Variants in PARVA observed in about 807,000 individuals in gnomAD.
The protein encoded by PARVA is parvin alpha, also known as alpha-parvin.
PARVA carries 25 observed loss-of-function variants against 52.6 expected under a neutral mutation model. That is an observed-to-expected ratio of 0.48 (90% CI 0.35 to 0.66). PARVA has a LOEUF of 0.66. Ranked by LOEUF, PARVA falls within the 30% of genes least tolerant of loss-of-function variation. The pLI, the probability that PARVA is intolerant of heterozygous loss-of-function variation, is 0.01. For synonymous variants in PARVA, 185 were observed against 179.1 expected (o/e 1.03, Z -0.26); for missense variants, 373 against 450.9 (o/e 0.83, Z 1.56).
At chr11:12,383,885 AG>A (rs1322646334) in intron 1 of PARVA, among the ~76,000 whole-genome samples, 2 of 152,290 alleles carry the variant, frequency 1.3e-5, no homozygotes, top group African/African-American at 4.8e-5. Flanking sequence ...GCATTGTTCA[AG>A]GGGCACGCCT....
At chr11:12,396,931 T>TCTTCC in intron 1 of PARVA, among the ~76,000 whole-genome samples, 1 of 145,436 alleles carries the variant, frequency 6.9e-6, no homozygotes, top group South Asian at 2.2e-4. Flanking sequence ...GTACTTGTTT[T>TCTTCC]CTTTCCTTTC....
chr11:12,508,936 G>A (rs756224910), intron 7 of PARVA, among the ~76,000 whole-genome samples: 2 of 152,192 alleles, frequency 1.3e-5, no homozygotes, highest in Non-Finnish European at 2.9e-5. Flanking sequence ...GCATGAAATC[G>A]TCATGCCATA....
intron 1 of PARVA, among the ~76,000 whole-genome samples, chr11:12,406,391 C>T (rs188647878): frequency 9.7e-4 from 147 of 152,306 alleles, no homozygotes; most frequent in Non-Finnish European, 1.7e-3. Context: ...CTGCAAAATA[C>T]CTTCAGAGCA....
At chr11:12,509,170 GA>G (rs1370435644) in intron 7 of PARVA, among the ~76,000 whole-genome samples, 1 of 148,936 alleles carries the variant, frequency 6.7e-6, no homozygotes, top group African/African-American at 2.5e-5. Context: ...TCCTCAAGCA[GA>G]AAAAAAATTC....
intron 4 of PARVA, among the ~76,000 whole-genome samples, chr11:12,486,533 C>CAAAAAT (rs964896148): frequency 4.6e-5 from 7 of 151,356 alleles, no homozygotes; most frequent in South Asian, 4.2e-4. Context: ...AACTCTGTCT[C>CAAAAAT]AAAAATAAAA....
chr11:12,442,095 C>A (rs1940474459), intron 1 of PARVA, among the ~76,000 whole-genome samples: 1 of 152,202 alleles, frequency 6.6e-6, no homozygotes, highest in Admixed American at 6.5e-5. Context: ...TGGACCAGTT[C>A]AGCAGCATGG....
intron 4 of PARVA, among the ~76,000 whole-genome samples, chr11:12,482,341 A>T (rs905528891): frequency 6.6e-6 from 1 of 151,842 alleles, no homozygotes; most frequent in Non-Finnish European, 1.5e-5. Flanking sequence ...TAAAAAGGAA[A>T]GCTGGCCGGG....
At chr11:12,434,851 C>G (rs185118222) in intron 1 of PARVA, among the ~76,000 whole-genome samples, 6 of 152,248 alleles carry the variant, frequency 3.9e-5, no homozygotes, top group African/African-American at 1.4e-4. Context: ...GCATTTTTAC[C>G]GAGCCTGCTC....
intron 1 of PARVA, among the ~76,000 whole-genome samples, chr11:12,387,663 C>A (rs1939592224): frequency 7.2e-6 from 1 of 139,234 alleles, no homozygotes; most frequent in Admixed American, 8.4e-5. Context: ...TGTTATTTGA[C>A]AAAGGCCTGT....
At chr11:12,498,942 C>G (rs906532910) in intron 5 of PARVA, among the ~76,000 whole-genome samples, 3 of 152,176 alleles carry the variant, frequency 2.0e-5, no homozygotes, top group African/African-American at 4.8e-5. Context: ...TCTACATTCC[C>G]TCGTGGTCTT....
At chr11:12,488,596 G>C (rs745406151) in intron 4 of PARVA, among the ~76,000 whole-genome samples, 6 of 152,122 alleles carry the variant, frequency 3.9e-5, no homozygotes, top group Non-Finnish European at 8.8e-5. Context: ...GTCTTGAAAG[G>C]GCAACTCTTT....
In PARVA at chr11:12,377,580, G is replaced by A. The variant is rs1469444318; in HGVS notation, c.-68G>A. 4.7e-6 allele frequency: 7 copies of A among 1,498,116 alleles called. No homozygotes were observed. Among genetic ancestry groups the A allele is most frequent in the East Asian group, 2.9e-5 (1 of 34,940 alleles). The allele number at this position is 1,498,116 out of a possible 1,614,324, so 92.8% of individuals were successfully genotyped here. A position where few individuals can be genotyped will look rare whatever the true frequency, so the allele number is the denominator to read the frequency against. Reference sequence around the variant, plus strand: ...GGAAAGCCGCAGCCTCAGTCCCGCCGCCGCCCGCTGCGTCCGCCCAGCGCC... The same window carrying A: ...GGAAAGCCGCAGCCTCAGTCCCGCCACCGCCCGCTGCGTCCGCCCAGCGCC... On this transcript the variant is annotated 5_prime_UTR_variant, in exon 1 of 13. Coordinates refer to ENST00000334956, the MANE Select transcript of PARVA (RefSeq NM_018222.5).
intron 4 of PARVA, among the ~76,000 whole-genome samples, chr11:12,482,176 A>G (rs1178090317): frequency 6.6e-6 from 1 of 151,638 alleles, no homozygotes; most frequent in Non-Finnish European, 1.5e-5. Context: ...AAAAAAAGAA[A>G]AAGAAAAAAA....
chr11:12,480,692 G>A (rs1941074534), intron 4 of PARVA: 1 of 151,796 alleles, frequency 6.6e-6, no homozygotes, highest in South Asian at 2.1e-4. Context: ...CACTATGGAG[G>A]TGATGCTTCT....
intron 4 of PARVA, among the ~76,000 whole-genome samples, chr11:12,493,474 A>T (rs769153556): frequency 6.6e-6 from 1 of 152,174 alleles, no homozygotes; most frequent in Non-Finnish European, 1.5e-5. Flanking sequence ...CGAACAGCAA[A>T]AATTAAAAGC....
intron 1 of PARVA, among the ~76,000 whole-genome samples, chr11:12,439,534 A>G (rs898095995): frequency 6.6e-6 from 1 of 152,204 alleles, no homozygotes; most frequent in African/African-American, 2.4e-5. Flanking sequence ...TTCTTTGGGA[A>G]TGATGGCACC....
intron 1 of PARVA, among the ~76,000 whole-genome samples, chr11:12,417,937 A>G (rs1940090272): frequency 6.6e-6 from 1 of 152,168 alleles, no homozygotes; most frequent in South Asian, 2.1e-4. Flanking sequence ...TTTCCTCCAG[A>G]TTAGAGACCC....
chr11:12,425,910 T>C (rs1044840721), intron 1 of PARVA, among the ~76,000 whole-genome samples: 2 of 152,224 alleles, frequency 1.3e-5, no homozygotes, highest in African/African-American at 4.8e-5. Context: ...TTTAGTAAAC[T>C]ATTATAACCT....
At chr11:12,390,011 G>A (rs1939634621) in intron 1 of PARVA, among the ~76,000 whole-genome samples, 2 of 152,122 alleles carry the variant, frequency 1.3e-5, no homozygotes, top group South Asian at 4.1e-4. Context: ...CCTGGCTCTG[G>A]GGAGCTGTGA....
Sources: gnomAD v4.1 joint callset for allele counts (sites outside exome capture counted in the v4.1 genomes callset) on GRCh38, gnomAD v4.1.1 for gene constraint, MANE v1.5 for transcripts, NCBI Gene and HGNC (gene_info 2026-07-23, HGNC 2026-07-21) for gene names.